The following MTMR8 variants were observed in gnomAD, a reference collection of about 807,000 sequenced individuals.
MTMR8 encodes the protein phosphatidylinositol-3,5-bisphosphate 3-phosphatase MTMR8.
MTMR8 carries 65 observed loss-of-function variants against 39.3 expected under a neutral mutation model. The ratio of observed to expected loss-of-function variants is 1.65; its 90% confidence interval spans 1.35 to 2.03. MTMR8 has a LOEUF of 2.03. Ranked by LOEUF, MTMR8 falls within the 30% of genes most tolerant of loss-of-function variation. MTMR8 has a pLI of 0.00. For synonymous variants in MTMR8, 245 were observed against 185.2 expected (o/e 1.32, Z -2.62); for missense variants, 777 against 538.9 (o/e 1.44, Z -4.37).
intron 12 of MTMR8, among the ~76,000 whole-genome samples, chrX:64,308,718 A>T (rs1922205631): frequency 1.8e-5 from 2 of 111,557 alleles, no homozygotes; most frequent in Admixed American, 1.9e-4. Flanking sequence ...GTATACAGAT[A>T]GTTTTGTGTT....
intron 12 of MTMR8, among the ~76,000 whole-genome samples, chrX:64,272,940 C>G (rs1250700266): frequency 9.0e-6 from 1 of 111,514 alleles, no homozygotes; most frequent in African/African-American, 3.3e-5. Flanking sequence ...TGTAGCAAAA[C>G]TGTTCTTCAA....
chrX:64,294,526 C>A (rs1484029338), intron 12 of MTMR8, among the ~76,000 whole-genome samples: 1 of 111,840 alleles, frequency 8.9e-6, no homozygotes, highest in East Asian at 2.8e-4. Flanking sequence ...CAACTGTGAG[C>A]AAACACTTCA....
chrX:64,276,683 G>T (rs1212874429), intron 12 of MTMR8, among the ~76,000 whole-genome samples: 2 of 111,557 alleles, frequency 1.8e-5, no homozygotes, highest in African/African-American at 6.5e-5. Context: ...ATTTGCTGAG[G>T]AGTGTTTTAC....
intron 12 of MTMR8, among the ~76,000 whole-genome samples, chrX:64,284,476 C>A (rs969319853): frequency 9.0e-6 from 1 of 111,178 alleles, no homozygotes. Flanking sequence ...ACAGAGAACA[C>A]AACAAAGATA....
intron 1 of MTMR8, among the ~76,000 whole-genome samples, chrX:64,388,042 C>T (rs150036577): frequency 0.013 from 1,430 of 111,217 alleles, 27 homozygotes; most frequent in African/African-American, 0.043. Flanking sequence ...CCATAATCCA[C>T]GTTTATCTGT....
chrX:64,359,435 C>T lies in MTMR8; in HGVS notation c.117G>A (p.Glu39=), dbSNP rs1923718005. 1 of 1,205,437 alleles carries T rather than the reference C, an allele frequency of 8.3e-7. No individual in the cohort carries two copies. The highest frequency in any genetic ancestry group is 1.8e-5 in the African/African-American group (1 of 57,047). Residue 39 remains glutamate (E), a synonymous_variant, in exon 2 of 14, where the codon GAG becomes GAA. Transcript: ENST00000374852. The part of the protein sequence containing the change: ...YLTATHLIYV[E]ASGAARKETW... ...TTTCTTTCCGGGCTGCACCTGAAGCCTCCACATAGATCAGGTGGGTTGCAG... is the reference window on the plus strand; with the variant it reads ...TTTCTTTCCGGGCTGCACCTGAAGCTTCCACATAGATCAGGTGGGTTGCAG...
chrX:64,334,004 C>G (rs956115744), intron 10 of MTMR8, among the ~76,000 whole-genome samples: 6 of 111,675 alleles, frequency 5.4e-5, no homozygotes, highest in Non-Finnish European at 9.4e-5. Flanking sequence ...ATCCAAGGCT[C>G]TGTCCCACCC....
intron 1 of MTMR8, among the ~76,000 whole-genome samples, chrX:64,369,882 T>A (rs1185679003): frequency 9.0e-6 from 1 of 111,450 alleles, no homozygotes; most frequent in African/African-American, 3.3e-5. Flanking sequence ...TAGATGTACA[T>A]ACAGCAATAT....
intron 12 of MTMR8, among the ~76,000 whole-genome samples, chrX:64,304,402 G>C (rs1260238123): frequency 5.4e-5 from 6 of 111,614 alleles, no homozygotes; most frequent in Non-Finnish European, 1.1e-4. Flanking sequence ...TCCAGGACTA[G>C]GAGTCTAATT....
At chrX:64,289,983 G>A (rs1921342540) in intron 12 of MTMR8, among the ~76,000 whole-genome samples, 1 of 110,930 alleles carries the variant, frequency 9.0e-6, no homozygotes, top group Non-Finnish European at 1.9e-5. Context: ...TGGTTGTCAG[G>A]GGTAGGTGGA....
chrX:64,331,197 G>A (rs771317975), intron 11 of MTMR8, among the ~76,000 whole-genome samples: 2 of 111,725 alleles, frequency 1.8e-5, no homozygotes, highest in Admixed American at 9.5e-5. Context: ...GGTTGGGTTC[G>A]GCCTATGAGC....
At chrX:64,352,258 C>T (rs1489647856) in intron 4 of MTMR8, among the ~76,000 whole-genome samples, 2 of 111,429 alleles carry the variant, frequency 1.8e-5, no homozygotes, top group South Asian at 7.6e-4. Flanking sequence ...TTCAGTGTGT[C>T]CTACGTCACT....
At chrX:64,279,864 C>T (rs915100687) in intron 12 of MTMR8, among the ~76,000 whole-genome samples, 65 of 111,682 alleles carry the variant, frequency 5.8e-4, no homozygotes, top group African/African-American at 2.1e-3. Flanking sequence ...GATAACAGTG[C>T]CAAGATAATT....
intron 1 of MTMR8, among the ~76,000 whole-genome samples, chrX:64,364,803 T>C (rs1368173804): frequency 9.0e-6 from 1 of 111,503 alleles, no homozygotes. Context: ...AGGTCAGTAA[T>C]AAACTTCTAC....
intron 12 of MTMR8, among the ~76,000 whole-genome samples, chrX:64,278,049 A>T (rs1438025228): frequency 9.2e-6 from 1 of 108,584 alleles, no homozygotes; most frequent in African/African-American, 3.4e-5. Context: ...TGCTTCACAA[A>T]GTTCTCGTGC....
intron 12 of MTMR8, 113 bp from the exon 13 acceptor site, chrX:64,271,186 G>A (rs1458955494): frequency 2.7e-6 from 2 of 754,603 alleles, no homozygotes; most frequent in African/African-American, 2.2e-5. Flanking sequence ...AAAATCTCAT[G>A]AGTACTGTAA....
At chrX:64,373,300 G>A (rs1924176171) in intron 1 of MTMR8, among the ~76,000 whole-genome samples, 5 of 111,422 alleles carry the variant, frequency 4.5e-5, no homozygotes, top group Admixed American at 2.9e-4. Flanking sequence ...GTTAAAGGAG[G>A]GGCCCAGTGG....
intron 12 of MTMR8, among the ~76,000 whole-genome samples, chrX:64,309,354 T>C (rs1200258706): frequency 9.0e-6 from 1 of 111,303 alleles, no homozygotes; most frequent in African/African-American, 3.3e-5. Context: ...CCATTTTTTG[T>C]GTGCTAATGT....
intron 12 of MTMR8, among the ~76,000 whole-genome samples, chrX:64,304,879 T>C (rs1275585496): frequency 1.6e-5 from 1 of 64,129 alleles, no homozygotes; most frequent in Admixed American, 1.7e-4. Flanking sequence ...TATATATATA[T>C]ATATATATAT....
Sources: allele counts gnomAD v4.1 joint callset (sites outside exome capture counted in the v4.1 genomes callset), GRCh38; gene constraint gnomAD v4.1.1; transcripts MANE v1.5; gene names NCBI Gene and HGNC (gene_info 2026-07-23, HGNC 2026-07-21).